Variants in MACROD2 observed in about 807,000 individuals in gnomAD.
MACROD2 encodes mono-ADP ribosylhydrolase 2.
MACROD2 carries 36 observed loss-of-function variants against 70.4 expected under a neutral mutation model. The observed-to-expected ratio is 0.51, with a 90% CI of 0.39 to 0.68. The LOEUF (loss-of-function observed/expected upper bound fraction) is 0.68. Among genes scored for constraint, MACROD2 ranks in the 30% least tolerant of loss-of-function variants. The pLI is 0.00. For missense variants in MACROD2, 496 were observed against 538.4 expected (o/e 0.92, Z 0.78); for synonymous variants, 172 against 178.8 (o/e 0.96, Z 0.30).
intron 3 of MACROD2, among the ~76,000 whole-genome samples, chr20:14,183,546 A>G (rs1050709842): frequency 6.6e-6 from 1 of 152,178 alleles, no homozygotes; most frequent in Non-Finnish European, 1.5e-5. Context: ...GTATATACCC[A>G]GTACTGGGAT....
chr20:15,034,607 G>A (rs1469148671), intron 5 of MACROD2, among the ~76,000 whole-genome samples: 1 of 151,868 alleles, frequency 6.6e-6, no homozygotes, highest in Non-Finnish European at 1.5e-5. Context: ...GATGTAAATT[G>A]TGAAGCATTT....
intron 5 of MACROD2, among the ~76,000 whole-genome samples, chr20:15,199,326 C>T (rs1488910937): frequency 6.6e-6 from 1 of 152,024 alleles, no homozygotes; most frequent in African/African-American, 2.4e-5. Flanking sequence ...CAATGCACTC[C>T]AGCCTAGGCA....
chr20:14,919,215 G>C (rs1249613040), intron 5 of MACROD2, among the ~76,000 whole-genome samples: 1 of 152,152 alleles, frequency 6.6e-6, no homozygotes, highest in Non-Finnish European at 1.5e-5. Flanking sequence ...GTTCCAGAAA[G>C]AGCTTCGTTT....
intron 8 of MACROD2, among the ~76,000 whole-genome samples, chr20:15,811,106 GA>G (rs2063816455): frequency 6.6e-6 from 1 of 152,068 alleles, no homozygotes; most frequent in Non-Finnish European, 1.5e-5. Flanking sequence ...TTAAACTAAA[GA>G]GCTTCTACAC....
chr20:15,719,649 AATTT>A (rs1265134308), intron 8 of MACROD2, among the ~76,000 whole-genome samples: 2 of 151,980 alleles, frequency 1.3e-5, no homozygotes, highest in Non-Finnish European at 2.9e-5. Flanking sequence ...TTTATTTTTA[AATTT>A]ATTTATATTT....
intron 5 of MACROD2, among the ~76,000 whole-genome samples, chr20:14,747,462 A>G (rs1166101928): frequency 6.6e-6 from 1 of 152,170 alleles, no homozygotes; most frequent in Admixed American, 6.5e-5. Flanking sequence ...GGGTGAGTGA[A>G]GACCTGAAAC....
chr20:14,473,699 T>C (rs1431702663), intron 3 of MACROD2, among the ~76,000 whole-genome samples: 2 of 152,212 alleles, frequency 1.3e-5, no homozygotes, highest in Admixed American at 6.5e-5. Flanking sequence ...GGTAGTTCTA[T>C]TTTTAAATTT....
At chr20:14,593,503 G>C (rs1270709162) in intron 4 of MACROD2, among the ~76,000 whole-genome samples, 1 of 152,086 alleles carries the variant, frequency 6.6e-6, no homozygotes, top group South Asian at 2.1e-4. Flanking sequence ...GGAAAGCTAA[G>C]AATAACTAGG....
intron 5 of MACROD2, among the ~76,000 whole-genome samples, chr20:15,192,734 A>C (rs1388725300): frequency 6.6e-6 from 1 of 152,252 alleles, no homozygotes; most frequent in Admixed American, 6.5e-5. Context: ...GTTTTACAGC[A>C]GCAACAAAGA....
chr20:16,021,669 A>G (rs1168028412), intron 15 of MACROD2, among the ~76,000 whole-genome samples: 1 of 152,194 alleles, frequency 6.6e-6, no homozygotes, highest in Non-Finnish European at 1.5e-5. Context: ...TAAATGCATT[A>G]CCTATCTATG....
intron 5 of MACROD2, among the ~76,000 whole-genome samples, chr20:15,169,284 G>A (rs1004765702): frequency 6.6e-6 from 1 of 152,134 alleles, no homozygotes; most frequent in Non-Finnish European, 1.5e-5. Context: ...TAAGAATAAA[G>A]TTCTTCAGCA....
intron 8 of MACROD2, among the ~76,000 whole-genome samples, chr20:15,582,728 G>A (rs2048542621): frequency 6.6e-6 from 1 of 152,166 alleles, no homozygotes; most frequent in African/African-American, 2.4e-5. Context: ...GTGTGGAGAA[G>A]GGATTGGGAG....
chr20:14,921,316 A>C (rs1024057072), intron 5 of MACROD2, among the ~76,000 whole-genome samples: 4 of 152,206 alleles, frequency 2.6e-5, no homozygotes, highest in Non-Finnish European at 4.4e-5. Context: ...CATGTGATGT[A>C]ATTTAAACTG....
intron 8 of MACROD2, among the ~76,000 whole-genome samples, chr20:15,858,755 G>T (rs1462959584): frequency 6.6e-6 from 1 of 152,120 alleles, no homozygotes; most frequent in Non-Finnish European, 1.5e-5. Context: ...CTTCCTCATG[G>T]CATGGTGGTT....
intron 5 of MACROD2, among the ~76,000 whole-genome samples, chr20:14,995,416 C>T (rs6110485): frequency 6.6e-6 from 1 of 152,100 alleles, no homozygotes; most frequent in African/African-American, 2.4e-5. Context: ...TGGCTCACAC[C>T]TGTAATCCCC....
intron 3 of MACROD2, among the ~76,000 whole-genome samples, chr20:14,231,359 A>C (rs1017233985): frequency 6.6e-6 from 1 of 151,906 alleles, no homozygotes; most frequent in African/African-American, 2.4e-5. Context: ...TCATTGTTCA[A>C]TTCCCACCTA....
At chr20:15,040,762 T>C (rs1157037744) in intron 5 of MACROD2, among the ~76,000 whole-genome samples, 1 of 152,204 alleles carries the variant, frequency 6.6e-6, no homozygotes, top group Non-Finnish European at 1.5e-5. Context: ...TTAGCTATGC[T>C]CAATGTTTTG....
At chr20:15,717,205 T>A (rs1190647703) in intron 8 of MACROD2, among the ~76,000 whole-genome samples, 1 of 152,210 alleles carries the variant, frequency 6.6e-6, no homozygotes, top group Non-Finnish European at 1.5e-5. Context: ...TCTTTTTCAT[T>A]GTAAGCCCAA....
chr20:14,942,874 C>T lies in MACROD2; in HGVS notation c.418+257915C>T, dbSNP rs531441668. Among the ~76,000 whole-genome samples, 4 of 152,308 alleles carry T rather than the reference C, an allele frequency of 2.6e-5. No homozygotes were observed. In the South Asian group the frequency reaches 8.3e-4, roughly 32 times the overall value. ...TCCACTGTGCCTTCTATCCTGACTA[C>T]TTTAACTGATAAAATAATTTGCAAA... On this transcript the variant is annotated intron_variant, in intron 5 of 17. Coordinates refer to ENST00000684519, the MANE Select transcript of MACROD2 (RefSeq NM_001351661.2).
Sources: gnomAD v4.1 joint callset for allele counts (sites outside exome capture counted in the v4.1 genomes callset) on GRCh38, gnomAD v4.1.1 for gene constraint, MANE v1.5 for transcripts, NCBI Gene and HGNC (gene_info 2026-07-23, HGNC 2026-07-21) for gene names.